ZNF195: variants seen among roughly 807,000 people sequenced by gnomAD.
The protein encoded by ZNF195 is hypoxia-regulated factor-1.
ZNF195 carries 11 observed loss-of-function variants against 19.5 expected under a neutral mutation model. The ratio of observed to expected loss-of-function variants is 0.57; its 90% CI spans 0.36 to 0.94. The LOEUF (loss-of-function observed/expected upper bound fraction) is 0.94, where lower values mean the gene tolerates loss of function less well. Among genes scored for constraint, ZNF195 ranks in the 40% least tolerant of loss-of-function variants. The pLI, the probability that ZNF195 is intolerant of heterozygous loss-of-function variation, is 0.01. For missense variants in ZNF195, 582 were observed against 709.0 expected (o/e 0.82, Z 2.03); for synonymous variants, 214 against 248.1 (o/e 0.86, Z 1.29).
At chr11:3,361,135 GA>G (rs1399692252) in intron 4 of ZNF195, among the ~76,000 whole-genome samples, 2 of 151,650 alleles carry the variant, frequency 1.3e-5, no homozygotes, top group Non-Finnish European at 2.9e-5. Flanking sequence ...GCACTACAAA[GA>G]AAGCTGAGAA....
At position 3,371,666 on chromosome 11, in the gene ZNF195, G is replaced by A; in HGVS notation, c.41C>T (p.Ser14Phe). The A allele has an allele frequency of 1.2e-6, 2 of 1,612,880 alleles. No individual in the cohort carries two copies. The highest frequency in any genetic ancestry group is 1.7e-6 in the Non-Finnish European group (2 of 1,179,170). ...GTCCAGGCATTTCCACTCCTCCAGG[G>A]AGAATTCTATGGCCACATCCCTGAA... is the stretch of plus-strand genomic sequence containing the variant. ...LTFRDVAIEF[S>F]LEEWKCLDLA... Residue 14 changes from serine (S) to phenylalanine (F), a missense_variant, in exon 2 of 6, where the codon TCC (serine) becomes TTC (phenylalanine). Transcript: ENST00000399602.
chr11:3,375,470 T>G (rs1183698286), intron 1 of ZNF195: 1 of 152,160 alleles, frequency 6.6e-6, no homozygotes, highest in East Asian at 1.9e-4. Context: ...TGTCTGAATA[T>G]CCCTTCAATA....
chr11:3,360,994 G>C (rs957897666), intron 4 of ZNF195, among the ~76,000 whole-genome samples: 1 of 152,208 alleles, frequency 6.6e-6, no homozygotes, highest in Non-Finnish European at 1.5e-5. Context: ...CTGTGACACG[G>C]AGTGCTGAGA....
intron 4 of ZNF195, among the ~76,000 whole-genome samples, chr11:3,361,018 T>C (rs1432540299): frequency 1.3e-5 from 2 of 152,182 alleles, no homozygotes. Flanking sequence ...ATGGTGGTAC[T>C]CTGAGTGACA....
intron 3 of ZNF195, among the ~76,000 whole-genome samples, chr11:3,368,448 A>G (rs1849015994): frequency 6.6e-6 from 1 of 152,220 alleles, no homozygotes; most frequent in East Asian, 1.9e-4. Flanking sequence ...TCTCACAAAA[A>G]TGCCTTTAAT....
chr11:3,369,501 T>C (rs1268146011), intron 3 of ZNF195: 2 of 453,740 alleles, frequency 4.4e-6, no homozygotes, highest in South Asian at 3.1e-5. Context: ...CGTTTGCGGA[T>C]GCTGAATGGA....
intron 4 of ZNF195, 35 bp from the exon 5 acceptor site, chr11:3,360,823 C>T (rs1298332259): frequency 1.3e-5 from 20 of 1,545,168 alleles, no homozygotes; most frequent in Middle Eastern, 1.7e-4. Context: ...CAGTCTGTTA[C>T]GTTTACCCAC....
At position 3,359,966 on chromosome 11, in the gene ZNF195, C is replaced by T. The variant is rs749418263; in HGVS notation, c.1042G>A (p.Gly348Ser). The T allele has an allele frequency of 1.2e-6, 2 of 1,614,142 alleles. No individual in the cohort carries two copies. Among genetic ancestry groups the T allele is most frequent in the East Asian group, 2.2e-5 (1 of 44,888 alleles). Residue 348 changes from glycine (G) to serine (S), a missense_variant, in exon 6 of 6, where the codon GGT becomes AGT. Around this residue, in one of 3 missense-constraint regions of ZNF195, gnomAD observed 407 missense variants for 530.5 expected, o/e 0.77. Transcript: ENST00000399602. The surrounding 1 kb of genome is among the most constrained non-coding windows in gnomAD (Gnocchi z 5.5). ...TATTTGCAGGGTTTTTCCTCAGTAC[C>T]ATGCTCATGTTCAGTAAGGTGGGAG... is the stretch of plus-strand genomic sequence containing the variant. ...QCSHLTEHEH[G>S]TEEKPCKYEE...
At position 3,359,192 on chromosome 11, in the gene ZNF195, A is replaced by G; in HGVS notation, c.1816T>C (p.Tyr606His). The change falls in exon 6 of 6, where the codon TAC becomes CAC. Residue 606 changes from tyrosine to histidine, a missense_variant. Tyr to His is a moderately conservative substitution (Grantham distance 83). This residue lies in a region of ZNF195 where 407 missense variants were observed against 530.5 expected (regional missense o/e 0.77). Coordinates refer to ENST00000399602, the MANE Select transcript of ZNF195 (RefSeq NM_001130520.3). The surrounding 1 kb of genome is among the most constrained non-coding windows in gnomAD (Gnocchi z 5.5). ...GCTTTGCCACACTTTTCACACTTGT[A>G]GGGTTTCTCTCCAGTATGAATTCTC... ...HKRIHTGEKPYKCEKCGKAFT... is the reference protein window; with the variant it reads ...HKRIHTGEKPHKCEKCGKAFT... The G allele has an allele frequency of 6.2e-7, 1 of 1,613,582 alleles. No homozygotes were observed. The highest frequency in any genetic ancestry group is 1.3e-5 in the African/African-American group (1 of 75,020).
chr11:3,375,118 C>G (rs138790684), intron 1 of ZNF195, among the ~76,000 whole-genome samples: 326 of 152,250 alleles, frequency 2.1e-3, no homozygotes, highest in Middle Eastern at 6.8e-3. Flanking sequence ...TTAACTCTGT[C>G]GGAGGAGAGT....
chr11:3,361,504 A>G (rs375421727), intron 4 of ZNF195, among the ~76,000 whole-genome samples: 42 of 152,348 alleles, frequency 2.8e-4, no homozygotes, highest in African/African-American at 9.6e-4. Context: ...TAAGGATACC[A>G]ATAAAAAGAC....
intron 3 of ZNF195, chr11:3,363,304 T>C (rs938462801): frequency 6.6e-6 from 1 of 152,024 alleles, no homozygotes; most frequent in African/African-American, 2.4e-5. Context: ...CAATTCCACC[T>C]CACAGATATA....
chr11:3,377,489 T>A, intron 1 of ZNF195: 6 of 794,130 alleles, frequency 7.6e-6, no homozygotes, highest in Non-Finnish European at 9.6e-6. Flanking sequence ...AATCTGAGAG[T>A]CCAAAGGGCA....
At chr11:3,361,924 T>C in intron 3 of ZNF195, 35 bp from the exon 4 acceptor site, 1 of 414,750 alleles carries the variant, frequency 2.4e-6, no homozygotes, top group South Asian at 1.8e-5. Flanking sequence ...CTGTGTATGC[T>C]GTTGCACACT....
intron 3 of ZNF195, among the ~76,000 whole-genome samples, chr11:3,370,723 G>A (rs966897326): frequency 8.5e-5 from 13 of 152,222 alleles, no homozygotes; most frequent in African/African-American, 2.4e-4. Flanking sequence ...GCCCTTACTC[G>A]TCAGGAGGAG....
intron 1 of ZNF195, among the ~76,000 whole-genome samples, chr11:3,378,332 C>T (rs1246617628): frequency 6.6e-6 from 1 of 151,136 alleles, no homozygotes. Flanking sequence ...AATTAAATAG[C>T]AGGCAATCCG....
chr11:3,377,082 GT>G (rs1450986677), intron 1 of ZNF195, among the ~76,000 whole-genome samples: 1 of 152,152 alleles, frequency 6.6e-6, no homozygotes, highest in Non-Finnish European at 1.5e-5. Flanking sequence ...AAAAAGGTAT[GT>G]ATGACTAGAT....
chr11:3,364,680 A>G (rs1294562957), intron 3 of ZNF195, among the ~76,000 whole-genome samples: 1 of 152,222 alleles, frequency 6.6e-6, no homozygotes, highest in South Asian at 2.1e-4. Flanking sequence ...TGCAAAACAC[A>G]ATGAGAAAAG....
Position 3,358,933 on chromosome 11 carries a change from A to T in ZNF195, c.*185T>A. On this transcript the variant is annotated 3_prime_UTR_variant, in exon 6 of 6. Coordinates refer to ENST00000399602, the MANE Select transcript of ZNF195 (RefSeq NM_001130520.3). ...AGCAACTGATGCAAGTCTTCCATCTAGTATAATTGTAACATTTTTTTCAGA... is the reference window on the plus strand; with the variant it reads ...AGCAACTGATGCAAGTCTTCCATCTTGTATAATTGTAACATTTTTTTCAGA... 3 of 758,630 alleles carry T rather than the reference A, an allele frequency of 4.0e-6. No individual in the cohort carries two copies. The highest frequency in any genetic ancestry group is 3.7e-6 in the Non-Finnish European group (2 of 546,088). The allele number at this position is 758,630 out of a possible 1,614,324, so 47.0% of individuals were successfully genotyped here. A position where few individuals can be genotyped will look rare whatever the true frequency, so the allele number is the denominator to read the frequency against.
Sources: gnomAD v4.1 joint callset for allele counts (sites outside exome capture counted in the v4.1 genomes callset) on GRCh38, gnomAD v4.1.1 for gene constraint, gnomAD v4.1.1 regional missense constraint, Gnocchi (gnomAD v3.1) non-coding constraint, MANE v1.5 for transcripts, NCBI Gene and HGNC (gene_info 2026-07-23, HGNC 2026-07-21) for gene names.